RASA2: variants seen among roughly 807,000 people sequenced by gnomAD.
RASA2 encodes the protein RAS p21 protein activator 2.
A neutral mutation model predicts 118.2 loss-of-function variants in RASA2; 155 were observed. The observed-to-expected ratio is 1.31, with a 90% CI of 1.15 to 1.50. The LOEUF (loss-of-function observed/expected upper bound fraction) is 1.50, where lower values mean the gene tolerates loss of function less well. Among genes scored for constraint, RASA2 ranks in the 40% most tolerant of loss-of-function variants. RASA2 has a pLI of 0.00. For synonymous variants in RASA2, 353 were observed against 349.1 expected, an observed-to-expected ratio of 1.01 and a Z score of -0.12; for missense variants, 1,016 against 1,009.6, an observed-to-expected ratio of 1.01 and a Z score of -0.09.
intron 4 of RASA2, among the ~76,000 whole-genome samples, chr3:141,532,179 C>G (rs2082269413): frequency 6.6e-6 from 1 of 152,026 alleles, no homozygotes; most frequent in Non-Finnish European, 1.5e-5. Flanking sequence ...AAATGAAATT[C>G]AGAGGTTAAA....
At chr3:141,559,351 G>A (rs2082695890) in intron 8 of RASA2, among the ~76,000 whole-genome samples, 1 of 152,016 alleles carries the variant, frequency 6.6e-6, no homozygotes, top group East Asian at 1.9e-4. Flanking sequence ...TTTCAGTGAG[G>A]TAAGAAGATA....
At chr3:141,487,414 G>A (rs2081591207) in intron 1 of RASA2, among the ~76,000 whole-genome samples, 198 bp downstream of exon 1, 1 of 151,844 alleles carries the variant, frequency 6.6e-6, no homozygotes, top group Non-Finnish European at 1.5e-5. Context: ...GTGGGCCGGG[G>A]CTGCTGCTCT....
Position 141,573,006 on chromosome 3 carries a change from A to G in RASA2, c.1285-141A>G, listed in dbSNP as rs2082948786. On this transcript the variant is annotated intron_variant, in intron 12 of 23. Transcript: ENST00000286364. Reference sequence around the variant, plus strand: ...ATATCATGTTTTAAGAAAATTGTATATGTTATCCCTGCATAGGACATTTTA... The same window carrying G: ...ATATCATGTTTTAAGAAAATTGTATGTGTTATCCCTGCATAGGACATTTTA... The G allele has an allele frequency of 5.6e-6, 4 of 716,874 alleles. No homozygotes were observed. In the Admixed American group the frequency reaches 1.4e-4, roughly 26 times the overall value. 44.4% of individuals were successfully genotyped at this position (716,874 alleles called of 1,614,324 possible). A position where few individuals can be genotyped will look rare whatever the true frequency, so the allele number is the denominator to read the frequency against.
chr3:141,577,187 T>A, intron 15 of RASA2, 81 bp downstream of exon 15: 1 of 1,066,800 alleles, frequency 9.4e-7, no homozygotes, highest in Non-Finnish European at 1.3e-6. Flanking sequence ...TAAACCAATT[T>A]CACTAGGCTG....
chr3:141,583,688 C>G (rs1287748255), intron 17 of RASA2, among the ~76,000 whole-genome samples: 1 of 152,094 alleles, frequency 6.6e-6, no homozygotes, highest in Non-Finnish European at 1.5e-5. Context: ...AGTAAACATT[C>G]CATTTCAAAA....
intron 3 of RASA2, among the ~76,000 whole-genome samples, chr3:141,518,863 T>C (rs147030930): frequency 2.1e-4 from 32 of 152,296 alleles, no homozygotes; most frequent in African/African-American, 7.0e-4. Flanking sequence ...ATTCAGATTT[T>C]TTCCTTTTCA....
At chr3:141,552,556 G>A (rs1419465466) in intron 5 of RASA2, among the ~76,000 whole-genome samples, 2 of 152,164 alleles carry the variant, frequency 1.3e-5, no homozygotes, top group Non-Finnish European at 2.9e-5. Flanking sequence ...TGCAAATGCC[G>A]TGTCAGATAT....
At position 141,546,356 on chromosome 3, in the gene RASA2, G is replaced by A. The variant is rs561301821; in HGVS notation, c.527+5747G>A. ...CCATATCCTCACCAATATTTGTTAC[G>A]CATGTCTTTTGGATAAAAGCCATTT... is the stretch of plus-strand genomic sequence containing the variant. On this transcript the variant is annotated intron_variant, in intron 5 of 23. Coordinates refer to ENST00000286364, the MANE Select transcript of RASA2 (RefSeq NM_006506.5). Among the ~76,000 whole-genome samples, 35 of 152,196 alleles carry A rather than the reference G, an allele frequency of 2.3e-4. No homozygotes were observed. The South Asian group carries it at 6.6e-3, about 29-fold the overall frequency.
chr3:141,610,265 A>G (rs191957953), intron 23 of RASA2, among the ~76,000 whole-genome samples, 199 bp downstream of exon 23: 60 of 148,040 alleles, frequency 4.1e-4, no homozygotes, highest in African/African-American at 1.4e-3. Context: ...TGTTGGTGCT[A>G]TACTTTATCG....
At chr3:141,505,800 TAAA>T (rs1357729621) in intron 1 of RASA2, among the ~76,000 whole-genome samples, 3 of 151,072 alleles carry the variant, frequency 2.0e-5, no homozygotes, top group South Asian at 2.1e-4. Flanking sequence ...GTGTACGTAT[TAAA>T]AAGGTAACTA....
intron 15 of RASA2, among the ~76,000 whole-genome samples, chr3:141,577,740 A>G (rs2083036746): frequency 2.6e-5 from 4 of 152,184 alleles, no homozygotes; most frequent in African/African-American, 7.2e-5. Context: ...TTTTATTGGA[A>G]TATAACTTGT....
At chr3:141,540,863 G>A (rs980067554) in intron 5 of RASA2, among the ~76,000 whole-genome samples, 3 of 152,000 alleles carry the variant, frequency 2.0e-5, no homozygotes, top group Non-Finnish European at 4.4e-5. Flanking sequence ...TAAGGATAAG[G>A]GTGTCTAACT....
At chr3:141,553,804 T>C in intron 5 of RASA2, 53 bp from the exon 6 acceptor site, 5 of 1,574,128 alleles carry the variant, frequency 3.2e-6, no homozygotes, top group South Asian at 1.2e-5. Flanking sequence ...AGATAATGTT[T>C]TATCTTGTTT....
chr3:141,510,352 G>GCT (rs2081933235), intron 1 of RASA2, among the ~76,000 whole-genome samples: 2 of 152,162 alleles, frequency 1.3e-5, no homozygotes, highest in South Asian at 4.1e-4. Flanking sequence ...TGTCCTTTGA[G>GCT]CTAGAGTATC....
intron 7 of RASA2, 51 bp from the exon 8 acceptor site, chr3:141,558,835 G>GA (rs1427848133): frequency 2.2e-6 from 3 of 1,346,158 alleles, no homozygotes; most frequent in Middle Eastern, 2.4e-4. Flanking sequence ...TAAGCTGTAG[G>GA]AAAAATGTAT....
At chr3:141,594,060 G>A (rs1003802881) in intron 19 of RASA2, among the ~76,000 whole-genome samples, 2 of 152,170 alleles carry the variant, frequency 1.3e-5, no homozygotes, top group African/African-American at 4.8e-5. Flanking sequence ...TAGTGGAAAA[G>A]TAGTCATCAT....
chr3:141,556,614 T>A (rs1296627401), intron 7 of RASA2, among the ~76,000 whole-genome samples: 2 of 152,144 alleles, frequency 1.3e-5, no homozygotes. Context: ...AAGAAATCCT[T>A]TTTCATATTA....
chr3:141,516,542 C>T, intron 3 of RASA2, 111 bp downstream of exon 3: 5 of 825,084 alleles, frequency 6.1e-6, no homozygotes, highest in Non-Finnish European at 8.0e-6. Context: ...CATCTCTGAT[C>T]TTTTTCTGTA....
chr3:141,502,440 C>T (rs1467572365), intron 1 of RASA2, among the ~76,000 whole-genome samples: 1 of 152,122 alleles, frequency 6.6e-6, no homozygotes, highest in African/African-American at 2.4e-5. Context: ...TTGATACTAG[C>T]TGTCCTTTAT....
Sources: gnomAD v4.1 joint callset for allele counts (sites outside exome capture counted in the v4.1 genomes callset) on GRCh38, gnomAD v4.1.1 for gene constraint, MANE v1.5 for transcripts, NCBI Gene and HGNC (gene_info 2026-07-23, HGNC 2026-07-21) for gene names.